TANK: variants seen among roughly 807,000 people sequenced by gnomAD.
TANK encodes the protein TRAF family member-associated NF-kappa-B activator.
TANK carries 15 observed loss-of-function variants against 43.6 expected under a neutral mutation model. That is an observed-to-expected ratio of 0.34 (90% CI 0.23 to 0.53). TANK has a LOEUF of 0.53. Among genes scored for constraint, TANK ranks in the 20% least tolerant of loss-of-function variants. The probability of loss-of-function intolerance (pLI) is 0.94; values close to 1 mark genes in which losing one functional copy is unlikely to be tolerated. For missense variants in TANK, 417 were observed against 498.6 expected (o/e 0.84, Z 1.56); for synonymous variants, 162 against 178.2 (o/e 0.91, Z 0.73).
At chr2:161,171,634 A>G (rs562538430) in intron 1 of TANK, among the ~76,000 whole-genome samples, 139 of 152,340 alleles carry the variant, frequency 9.1e-4, no homozygotes, top group African/African-American at 3.3e-3. Flanking sequence ...ATTGTGATTT[A>G]AAGAGAAATT....
chr2:161,236,047 T>C lies in TANK; in HGVS notation c.*529T>C, dbSNP rs1422671969. ...TTGTAAATATCAAACCTAATACATT[T>C]CTTGTCCAGTGATAAAACAACTGGT... On this transcript the variant is annotated 3_prime_UTR_variant, in exon 8 of 8. Transcript: ENST00000392749. 2 of 152,146 alleles carry C rather than the reference T, an allele frequency of 1.3e-5. No homozygotes were observed. Among genetic ancestry groups the C allele is most frequent in the Non-Finnish European group, 2.9e-5 (2 of 68,014 alleles). The allele number at this position is 152,146 out of a possible 1,614,324, so 9.4% of individuals were successfully genotyped here.
At chr2:161,222,574 AAC>A (rs1687402585) in intron 4 of TANK, among the ~76,000 whole-genome samples, 1 of 152,084 alleles carries the variant, frequency 6.6e-6, no homozygotes, top group African/African-American at 2.4e-5. Context: ...AATTGTACAA[AAC>A]ACCATAGAAA....
chr2:161,173,939 A>C (rs935642298), intron 1 of TANK, among the ~76,000 whole-genome samples: 2 of 152,186 alleles, frequency 1.3e-5, no homozygotes, highest in Non-Finnish European at 2.9e-5. Flanking sequence ...CTGGGAAAAA[A>C]GGTGAAAGGG....
Position 161,235,561 on chromosome 2 carries a change from T to C in TANK, c.*43T>C. 1 of 1,524,880 alleles carries C rather than the reference T, an allele frequency of 6.6e-7. No individual in the cohort carries two copies. Among genetic ancestry groups the C allele is most frequent in the Admixed American group, 2.0e-5 (1 of 50,168 alleles). The allele number at this position is 1,524,880 out of a possible 1,614,324, so 94.5% of individuals were successfully genotyped here. A position where few individuals can be genotyped will look rare whatever the true frequency, so the allele number is the denominator to read the frequency against. ...ACATATCAAGTTCTATGTGATGATT[T>C]TGGGTTTTTAATACTATAAATACTT... On this transcript the variant is annotated 3_prime_UTR_variant, in exon 8 of 8. Transcript: ENST00000392749.
chr2:161,235,193 A>G (rs1190174760), intron 7 of TANK, 149 bp from the exon 8 acceptor site: 2 of 597,732 alleles, frequency 3.3e-6, no homozygotes, highest in African/African-American at 1.9e-5. Context: ...GAGTCATGTC[A>G]TGCTAACTTT....
intron 1 of TANK, among the ~76,000 whole-genome samples, chr2:161,173,737 C>T (rs551914941): frequency 2.6e-5 from 4 of 152,144 alleles, no homozygotes; most frequent in South Asian, 2.1e-4. Context: ...AGGCAAAGAC[C>T]ATGACTGTTT....
chr2:161,198,640 TTCTG>T (rs1686264733), intron 2 of TANK, among the ~76,000 whole-genome samples: 2 of 152,232 alleles, frequency 1.3e-5, no homozygotes, highest in African/African-American at 4.8e-5. Flanking sequence ...ACTTTATATA[TTCTG>T]TGTCTTTCAA....
chr2:161,163,359 G>A (rs1684526871), intron 1 of TANK: 1 of 152,146 alleles, frequency 6.6e-6, no homozygotes, highest in Non-Finnish European at 1.5e-5. Flanking sequence ...CTGGGACACG[G>A]TAATGTCAAG....
intron 7 of TANK, 80 bp downstream of exon 7, chr2:161,231,631 T>A (rs1687916001): frequency 7.8e-7 from 1 of 1,286,290 alleles, no homozygotes. Context: ...GCATCTCTTT[T>A]ACGTTATCAA....
At chr2:161,219,543 C>A (rs937554023) in intron 4 of TANK, among the ~76,000 whole-genome samples, 1 of 151,958 alleles carries the variant, frequency 6.6e-6, no homozygotes, top group African/African-American at 2.4e-5. Context: ...TTTATATGGC[C>A]GTAAGTTCTT....
intron 4 of TANK, among the ~76,000 whole-genome samples, chr2:161,218,066 A>G (rs997741219): frequency 6.6e-6 from 1 of 152,178 alleles, no homozygotes; most frequent in Non-Finnish European, 1.5e-5. Flanking sequence ...CAAATTGCCT[A>G]TGTTAACAAG....
chr2:161,184,174 C>G (rs1056484859), intron 2 of TANK, among the ~76,000 whole-genome samples: 1 of 152,088 alleles, frequency 6.6e-6, no homozygotes, highest in African/African-American at 2.4e-5. Flanking sequence ...GGAAAAGAAC[C>G]TGTAAAGGTA....
At position 161,201,128 on chromosome 2, in the gene TANK, T is replaced by G. The variant is rs568520997; in HGVS notation, c.100-2359T>G. 43 of 985,426 alleles carry G rather than the reference T, an allele frequency of 4.4e-5. 1 individual carries two copies. In the South Asian group the frequency reaches 1.9e-3, roughly 44 times the overall value. The allele number at this position is 985,426 out of a possible 1,614,324, so 61.0% of individuals were successfully genotyped here. ...AAAACATGGACTCTTGCTGTTCTGT[T>G]TCCCTTACTATACTTCCAGAGTGTT... On this transcript the variant is annotated intron_variant, in intron 2 of 7. Transcript: ENST00000392749.
intron 1 of TANK, among the ~76,000 whole-genome samples, chr2:161,149,287 G>T (rs560905327): frequency 5.9e-5 from 9 of 152,066 alleles, no homozygotes; most frequent in African/African-American, 2.2e-4. Flanking sequence ...CTTTTAAGAG[G>T]GTTCATTGGC....
At chr2:161,194,816 A>G (rs1686072206) in intron 2 of TANK, among the ~76,000 whole-genome samples, 1 of 152,064 alleles carries the variant, frequency 6.6e-6, no homozygotes, top group South Asian at 2.1e-4. Context: ...TAAAATGTAA[A>G]TGGCCTCATT....
chr2:161,226,695 G>GT (rs1406510807), intron 6 of TANK, among the ~76,000 whole-genome samples: 2 of 151,948 alleles, frequency 1.3e-5, no homozygotes, highest in Non-Finnish European at 2.9e-5. Context: ...TTATTACTTT[G>GT]TTTTTTCTAC....
intron 4 of TANK, chr2:161,207,483 A>G (rs1359765257): frequency 2.0e-6 from 2 of 984,428 alleles, no homozygotes; most frequent in Admixed American, 6.2e-5. Context: ...TTTTTTATGT[A>G]TCTCTAGCCA....
chr2:161,216,648 A>G (rs1476012212), intron 4 of TANK, among the ~76,000 whole-genome samples: 1 of 151,628 alleles, frequency 6.6e-6, no homozygotes, highest in African/African-American at 2.4e-5. Flanking sequence ...TACTCAGGAA[A>G]GGCCTAACCT....
rs1434922278 is a variant in TANK at position 161,235,774 on chromosome 2, T to A, written c.*256T>A. Reference sequence around the variant, plus strand: ...AAACTGTAATCCTTTGTATTCATGTTTACAGTGCTATTACTATAATTCAAA... The same window carrying A: ...AAACTGTAATCCTTTGTATTCATGTATACAGTGCTATTACTATAATTCAAA... On this transcript the variant is annotated 3_prime_UTR_variant, in exon 8 of 8. Coordinates refer to ENST00000392749, the MANE Select transcript of TANK (RefSeq NM_001199135.3). 1 of 273,570 alleles carries A rather than the reference T, an allele frequency of 3.7e-6. No homozygotes were observed. Among genetic ancestry groups the A allele is most frequent in the East Asian group, 7.3e-5 (1 of 13,674 alleles). 16.9% of individuals were successfully genotyped at this position (273,570 alleles called of 1,614,324 possible). A position where few individuals can be genotyped will look rare whatever the true frequency, so the allele number is the denominator to read the frequency against.
Sources: allele counts gnomAD v4.1 joint callset (sites outside exome capture counted in the v4.1 genomes callset), GRCh38; gene constraint gnomAD v4.1.1; transcripts MANE v1.5; gene names NCBI Gene and HGNC (gene_info 2026-07-23, HGNC 2026-07-21).